The following EIF3L variants were observed in gnomAD, a reference collection of about 807,000 sequenced individuals.
EIF3L encodes the protein eukaryotic translation initiation factor 3 subunit L, also known as eIEF associated protein HSPC021.
EIF3L carries 32 observed loss-of-function variants against 74.6 expected under a neutral mutation model. The observed-to-expected ratio is 0.43, with a 90% confidence interval of 0.32 to 0.58. The LOEUF is 0.58. Among genes scored for constraint, EIF3L ranks in the 20% least tolerant of loss-of-function variants. The probability of loss-of-function intolerance (pLI) is 0.06; values close to 1 mark genes in which losing one functional copy is unlikely to be tolerated. For synonymous variants in EIF3L, 256 were observed against 254.4 expected (o/e 1.01, Z -0.06); for missense variants, 474 against 707.8 (o/e 0.67, Z 3.75).
At chr22:37,856,895 T>G (rs1301893324) in intron 4 of EIF3L, among the ~76,000 whole-genome samples, 1 of 151,236 alleles carries the variant, frequency 6.6e-6, no homozygotes, top group African/African-American at 2.4e-5. Context: ...TCCTCCAACT[T>G]TGTTCTTTTT....
intron 11 of EIF3L, chr22:37,881,784 T>C (rs1379547869): frequency 1.3e-5 from 2 of 152,184 alleles, no homozygotes; most frequent in Non-Finnish European, 2.9e-5. Flanking sequence ...TAGAATGGTT[T>C]CTTTTTTCCC....
Position 37,888,591 on chromosome 22 carries a change from G to C in EIF3L, c.*127G>C. On this transcript the variant is annotated 3_prime_UTR_variant, in exon 13 of 13. Transcript: ENST00000652021. ...CTCAGTTAACAAGTTAAGGACCGAA[G>C]TGTTTCAAGTGGATCTCAGTAAAGG... 1 of 919,824 alleles carries C rather than the reference G, an allele frequency of 1.1e-6. No individual in the cohort carries two copies. Among genetic ancestry groups the C allele is most frequent in the Non-Finnish European group, 1.7e-6 (1 of 581,528 alleles). The allele number at this position is 919,824 out of a possible 1,614,324, so 57.0% of individuals were successfully genotyped here.
intron 9 of EIF3L, among the ~76,000 whole-genome samples, chr22:37,875,150 C>CT (rs1926677472): frequency 6.7e-6 from 1 of 149,886 alleles, no homozygotes; most frequent in African/African-American, 2.5e-5. Flanking sequence ...AGGTGGATTA[C>CT]TTGAGGTCAG....
At chr22:37,863,080 T>C in intron 6 of EIF3L, 42 bp downstream of exon 6, 1 of 1,554,986 alleles carries the variant, frequency 6.4e-7, no homozygotes, top group Non-Finnish European at 8.8e-7. Context: ...GTGGTTATGA[T>C]GAGGTTCAGC....
At position 37,873,294 on chromosome 22, in the gene EIF3L, G is replaced by GTTT. The variant is rs1318031783; in HGVS notation, c.752-1070_752-1068dup. Among the ~76,000 whole-genome samples the GTTT allele has an allele frequency of 3.2e-5, 4 of 126,418 alleles. No homozygotes were observed. The South Asian group carries it at 7.8e-4, about 25-fold the overall frequency. The allele number at this position is 126,418 out of a possible 152,430, so 82.9% of individuals were successfully genotyped here. A position where few individuals can be genotyped will look rare whatever the true frequency, so the allele number is the denominator to read the frequency against. On this transcript the variant is annotated intron_variant, in intron 8 of 12. Transcript: ENST00000652021. ...ATGAGCTGCGCTCAGTTGCGTATCA[G>GTTT]TTTTTTTTGTTTTTTTTTTTTTGAG...
chr22:37,870,312 A>C lies in EIF3L; in HGVS notation c.716A>C (p.Asn239Thr). The C allele has an allele frequency of 6.2e-7, 1 of 1,612,716 alleles. No homozygotes were observed. Among genetic ancestry groups the C allele is most frequent in the Non-Finnish European group, 8.5e-7 (1 of 1,179,110 alleles). The change falls in exon 8 of 13, where the codon AAC becomes ACC. Residue 239 changes from asparagine to threonine, a missense_variant. By Grantham distance (65) the Asn-to-Thr change is moderately conservative (BLOSUM62 0). This residue lies in a region of EIF3L where 293 missense variants were observed against 469.1 expected (regional missense o/e 0.62). Transcript: ENST00000652021. ...CTTCATTCCCTGGTAGACAAATCCA[A>C]CATCAACCGACAGTTGGAGGTATAC... The part of the protein sequence containing the change: ...NVLHSLVDKS[N>T]INRQLEVYTS...
chr22:37,852,651 G>A (rs1294955842), intron 3 of EIF3L, among the ~76,000 whole-genome samples: 1 of 152,036 alleles, frequency 6.6e-6, no homozygotes, highest in Non-Finnish European at 1.5e-5. Context: ...AGAGCTGATT[G>A]TAGTTGAAAA....
In EIF3L at chr22:37,858,855, G is replaced by A. The variant is rs542988459; in HGVS notation, c.435+115G>A. 7 of 972,282 alleles carry A rather than the reference G, an allele frequency of 7.2e-6. No individual in the cohort carries two copies. In the African/African-American group the frequency reaches 1.2e-4, roughly 16 times the overall value. 60.2% of individuals were successfully genotyped at this position (972,282 alleles called of 1,614,324 possible). A position where few individuals can be genotyped will look rare whatever the true frequency, so the allele number is the denominator to read the frequency against. ...ATTGGTTCAGTGTCTGGGCATGATT[G>A]GCATGTTTTTGAGTTTTAAGAAGCG... On this transcript the variant is annotated intron_variant, in intron 5 of 12. Transcript: ENST00000652021.
intron 5 of EIF3L, among the ~76,000 whole-genome samples, chr22:37,859,858 A>G (rs1925760519): frequency 6.6e-6 from 1 of 152,032 alleles, no homozygotes; most frequent in African/African-American, 2.4e-5. Context: ...ATGAAACTAC[A>G]AAAATAAGCT....
intron 2 of EIF3L, 110 bp from the exon 3 acceptor site, chr22:37,851,170 A>G (rs1243480475): frequency 3.1e-5 from 25 of 797,488 alleles, no homozygotes. Context: ...GAGTATTCAA[A>G]AGGGAATTTT....
intron 7 of EIF3L, among the ~76,000 whole-genome samples, chr22:37,863,798 A>G (rs1355385927): frequency 1.3e-5 from 2 of 151,636 alleles, no homozygotes; most frequent in African/African-American, 2.4e-5. Context: ...GGGCGCGGTG[A>G]CTCACGCCTG....
chr22:37,855,028 T>C (rs1925426570), intron 3 of EIF3L, among the ~76,000 whole-genome samples: 1 of 151,910 alleles, frequency 6.6e-6, no homozygotes, highest in Non-Finnish European at 1.5e-5. Flanking sequence ...CTTGAGGAGA[T>C]TGGAGGAAAG....
intron 7 of EIF3L, 30 bp from the exon 8 acceptor site, chr22:37,870,146 C>A (rs199616000): frequency 1.2e-5 from 19 of 1,566,096 alleles, no homozygotes; most frequent in Non-Finnish European, 1.6e-5. Flanking sequence ...GCTTATACCA[C>A]TACTGCATGT....
intron 11 of EIF3L, chr22:37,884,628 A>G (rs986305033): frequency 5.3e-5 from 8 of 152,184 alleles, no homozygotes; most frequent in African/African-American, 1.2e-4. Flanking sequence ...AGTGTTTTAA[A>G]TCATGCTTTT....
In EIF3L at chr22:37,858,757, C is replaced by G. The variant is rs57860978; in HGVS notation, c.435+17C>G. The G allele has an allele frequency of 1.3e-6, 2 of 1,585,014 alleles. No homozygotes were observed. The highest frequency in any genetic ancestry group is 4.5e-5 in the East Asian group (2 of 44,336). Reference sequence around the variant, plus strand: ...AAAGTCAGTGTAAGTATTTAAGTGTCGCAGTTTTTTTTTTGTTTTTGTTTT... The same window carrying G: ...AAAGTCAGTGTAAGTATTTAAGTGTGGCAGTTTTTTTTTTGTTTTTGTTTT... On this transcript the variant is annotated intron_variant, in intron 5 of 12. Transcript: ENST00000652021.
intron 3 of EIF3L, among the ~76,000 whole-genome samples, chr22:37,855,256 A>G (rs1478016172): frequency 6.6e-6 from 1 of 152,200 alleles, no homozygotes; most frequent in African/African-American, 2.4e-5. Flanking sequence ...ATGGTGGCCA[A>G]AAAAGTAGTT....
intron 11 of EIF3L, chr22:37,879,493 C>CA (rs771897693): frequency 0.02 from 2,494 of 126,722 alleles, 18 homozygotes; most frequent in Non-Finnish European, 0.025. Flanking sequence ...CACTCCGTCT[C>CA]AAAAAAAAAA....
At chr22:37,872,822 C>CA (rs1926545490) in intron 8 of EIF3L, among the ~76,000 whole-genome samples, 1 of 151,432 alleles carries the variant, frequency 6.6e-6, no homozygotes, top group Non-Finnish European at 1.5e-5. Flanking sequence ...AACAAGGTCT[C>CA]ACTTTGTTGC....
chr22:37,850,159 T>C (rs1429157419), intron 2 of EIF3L, 96 bp downstream of exon 2: 3 of 1,420,646 alleles, frequency 2.1e-6, no homozygotes, highest in Middle Eastern at 1.8e-4. Context: ...AATTGCTCTT[T>C]GATGGTCCAG....
Sources: gnomAD v4.1 joint callset for allele counts (sites outside exome capture counted in the v4.1 genomes callset) on GRCh38, gnomAD v4.1.1 for gene constraint, gnomAD v4.1.1 regional missense constraint, MANE v1.5 for transcripts, NCBI Gene and HGNC (gene_info 2026-07-23, HGNC 2026-07-21) for gene names.